The following UBAC2 variants were observed in gnomAD, a reference collection of about 807,000 sequenced individuals.
UBAC2 encodes the protein UBA domain containing 2, also known as ubiquitin-associated domain-containing protein 2.
Under a neutral mutation model 44.0 loss-of-function variants are expected in UBAC2, and 26 were observed. The observed-to-expected ratio is 0.59, with a 90% CI of 0.43 to 0.82. UBAC2 has a LOEUF of 0.82. Among genes scored for constraint, UBAC2 ranks in the 40% least tolerant of loss-of-function variants. UBAC2 has a pLI of 0.00. For missense variants in UBAC2, 329 were observed against 419.4 expected, an observed-to-expected ratio of 0.78 and a Z score of 1.88; for synonymous variants, 155 against 154.3, an observed-to-expected ratio of 1.00 and a Z score of -0.04.
rs1216688700 is a variant in UBAC2 at position 99,237,253 on chromosome 13, C to CGT, written c.32-1173_32-1172dup. On this transcript the variant is annotated intron_variant, in intron 1 of 8. Coordinates refer to ENST00000403766, the MANE Select transcript of UBAC2 (RefSeq NM_001144072.2). ...GATGATAGATAAAGAAAATTTTATG[C>CGT]GTATATATATATATATATACACACA... Among the ~76,000 whole-genome samples, 75 of 71,530 alleles carry CGT rather than the reference C, an allele frequency of 1.0e-3. 1 individual carries two copies. The highest frequency in any genetic ancestry group is 3.3e-3 in the African/African-American group (75 of 22,552). The allele number at this position is 71,530 out of a possible 152,430, so 46.9% of individuals were successfully genotyped here. A position where few individuals can be genotyped will look rare whatever the true frequency, so the allele number is the denominator to read the frequency against.
intron 4 of UBAC2, among the ~76,000 whole-genome samples, chr13:99,249,467 G>A (rs1368932631): frequency 6.6e-6 from 1 of 152,150 alleles, no homozygotes; most frequent in Admixed American, 6.5e-5. Flanking sequence ...TTGATTCCAT[G>A]TCTTTGCTAT....
At chr13:99,243,748 A>C in intron 2 of UBAC2, 84 bp from the exon 3 acceptor site, 1 of 1,201,262 alleles carries the variant, frequency 8.3e-7, no homozygotes, top group Non-Finnish European at 1.2e-6. Context: ...AAAAATAGGC[A>C]GTGTAAACAT....
At chr13:99,261,938 C>CA in intron 4 of UBAC2, among the ~76,000 whole-genome samples, 1 of 152,314 alleles carries the variant, frequency 6.6e-6, no homozygotes, top group South Asian at 2.1e-4. Flanking sequence ...TACCTTCAGT[C>CA]AAATATGGTC....
At chr13:99,255,413 T>A (rs2043531540) in intron 4 of UBAC2, 1 of 1,613,738 alleles carries the variant, frequency 6.2e-7, no homozygotes, top group African/African-American at 1.3e-5. Context: ...AGCAGAGGGG[T>A]GGTCGTGGTC....
intron 2 of UBAC2, among the ~76,000 whole-genome samples, chr13:99,239,905 T>C (rs920605876): frequency 4.6e-5 from 7 of 152,102 alleles, no homozygotes; most frequent in African/African-American, 1.7e-4. Context: ...GGACCAGTAT[T>C]GGGGGCCTAC....
intron 4 of UBAC2, among the ~76,000 whole-genome samples, chr13:99,285,341 G>A (rs2044004857): frequency 6.6e-6 from 1 of 150,586 alleles, no homozygotes; most frequent in South Asian, 2.1e-4. Context: ...TATTAGAATG[G>A]TATGGTGGGT....
chr13:99,242,654 C>T (rs1288725715), intron 2 of UBAC2, among the ~76,000 whole-genome samples: 15 of 96,338 alleles, frequency 1.6e-4, no homozygotes, highest in Non-Finnish European at 2.2e-4. Flanking sequence ...ACCTCCCTCC[C>T]GGACGGGGCG....
intron 1 of UBAC2, among the ~76,000 whole-genome samples, chr13:99,233,597 C>T (rs2043200499): frequency 6.6e-6 from 1 of 152,104 alleles, no homozygotes; most frequent in East Asian, 1.9e-4. Context: ...AGAGGGCTTC[C>T]ACCTGGACCA....
intron 6 of UBAC2, among the ~76,000 whole-genome samples, chr13:99,335,998 G>GA (rs71959491): frequency 0.031 from 4,071 of 132,104 alleles, 159 homozygotes; most frequent in African/African-American, 0.097. Context: ...CCACAAAATG[G>GA]AAAAAAAAAA....
At chr13:99,256,757 G>A (rs2043568131) in intron 4 of UBAC2, among the ~76,000 whole-genome samples, 2 of 151,182 alleles carry the variant, frequency 1.3e-5, no homozygotes, top group Non-Finnish European at 2.9e-5. Flanking sequence ...GGTTATTTGG[G>A]GTTGCAAATA....
chr13:99,336,356 T>G (rs2044788952), intron 6 of UBAC2, among the ~76,000 whole-genome samples: 2 of 152,214 alleles, frequency 1.3e-5, no homozygotes, highest in Non-Finnish European at 2.9e-5. Context: ...GTGTGTGTTT[T>G]CTTTTCTAGT....
intron 1 of UBAC2, among the ~76,000 whole-genome samples, chr13:99,232,405 G>GATAT (rs145868043): frequency 4.2e-5 from 5 of 117,862 alleles, no homozygotes; most frequent in Admixed American, 9.0e-5. Flanking sequence ...GAGAGATATA[G>GATAT]ATATATATAT....
At chr13:99,232,405 G>GATATAT (rs145868043) in intron 1 of UBAC2, among the ~76,000 whole-genome samples, 2 of 117,862 alleles carry the variant, frequency 1.7e-5, no homozygotes, top group Non-Finnish European at 3.7e-5. Flanking sequence ...GAGAGATATA[G>GATATAT]ATATATATAT....
At chr13:99,229,604 A>C (rs1288438773) in intron 1 of UBAC2, among the ~76,000 whole-genome samples, 1 of 152,208 alleles carries the variant, frequency 6.6e-6, no homozygotes, top group African/African-American at 2.4e-5. Context: ...AGTATATACA[A>C]ACACACACAG....
chr13:99,323,838 T>G (rs1354453175), intron 6 of UBAC2, among the ~76,000 whole-genome samples: 1 of 152,088 alleles, frequency 6.6e-6, no homozygotes, highest in Admixed American at 6.5e-5. Context: ...CACAGGGAGG[T>G]AGCGACCAGT....
intron 4 of UBAC2, among the ~76,000 whole-genome samples, chr13:99,309,694 G>T (rs1213962504): frequency 6.6e-6 from 1 of 151,986 alleles, no homozygotes; most frequent in Admixed American, 6.6e-5. Context: ...TCTGCCTCCT[G>T]GGCTCAAGTG....
At chr13:99,265,744 A>G (rs932982025) in intron 4 of UBAC2, among the ~76,000 whole-genome samples, 1 of 152,218 alleles carries the variant, frequency 6.6e-6, no homozygotes, top group African/African-American at 2.4e-5. Context: ...TCTGTAAGAA[A>G]GGTTATGCCA....
chr13:99,375,632 A>C (rs554676311), intron 8 of UBAC2, among the ~76,000 whole-genome samples: 1 of 152,362 alleles, frequency 6.6e-6, no homozygotes, highest in African/African-American at 2.4e-5. Flanking sequence ...AAGTTAAAGA[A>C]AACCACACTC....
At chr13:99,346,187 A>G (rs1302805346) in intron 7 of UBAC2, among the ~76,000 whole-genome samples, 1 of 151,856 alleles carries the variant, frequency 6.6e-6, no homozygotes, top group Non-Finnish European at 1.5e-5. Flanking sequence ...TGCCTTCCCC[A>G]CCAGTTCAGC....
Sources: allele counts gnomAD v4.1 joint callset (sites outside exome capture counted in the v4.1 genomes callset), GRCh38; gene constraint gnomAD v4.1.1; transcripts MANE v1.5; gene names NCBI Gene and HGNC (gene_info 2026-07-23, HGNC 2026-07-21).